TSHZ2: variants seen among roughly 807,000 people sequenced by gnomAD.
The protein encoded by TSHZ2 is teashirt homolog 2.
In TSHZ2, 21 loss-of-function variants were observed where a neutral mutation model predicts 74.4. The observed-to-expected ratio is 0.28, with a 90% CI of 0.20 to 0.41. The LOEUF (loss-of-function observed/expected upper bound fraction) is 0.41, where lower values mean the gene tolerates loss of function less well. TSHZ2 is among the 10% of genes least tolerant of loss of function. The probability of loss-of-function intolerance (pLI) is 1.00; values close to 1 mark genes in which losing one functional copy is unlikely to be tolerated. For synonymous variants in TSHZ2, 540 were observed against 515.3 expected, an observed-to-expected ratio of 1.05 and a Z score of -0.65; for missense variants, 1,244 against 1,293.5, an observed-to-expected ratio of 0.96 and a Z score of 0.59.
At chr20:53,178,407 A>G (rs1988394855) in intron 1 of TSHZ2, 1 of 152,250 alleles carries the variant, frequency 6.6e-6, no homozygotes, top group African/African-American at 2.4e-5. Flanking sequence ...ATGAGGCATC[A>G]CCATCACTGT....
At chr20:53,037,156 C>G (rs1983852853) in intron 1 of TSHZ2, among the ~76,000 whole-genome samples, 1 of 152,152 alleles carries the variant, frequency 6.6e-6, no homozygotes, top group Non-Finnish European at 1.5e-5. Flanking sequence ...GCGCCGCCTC[C>G]GAGGTCGGGG....
At chr20:53,052,382 T>C (rs928844680) in intron 1 of TSHZ2, among the ~76,000 whole-genome samples, 4 of 152,158 alleles carry the variant, frequency 2.6e-5, no homozygotes, top group African/African-American at 7.2e-5. Flanking sequence ...TAGATTCTCA[T>C]AGAAGTACGA....
At chr20:53,353,607 T>G (rs1980738710) in intron 2 of TSHZ2, among the ~76,000 whole-genome samples, 1 of 152,246 alleles carries the variant, frequency 6.6e-6, no homozygotes, top group Non-Finnish European at 1.5e-5. Context: ...TTTCCAACTC[T>G]GATTCTAATT....
intron 1 of TSHZ2, among the ~76,000 whole-genome samples, chr20:53,105,440 T>C (rs1169539513): frequency 2.6e-5 from 4 of 152,106 alleles, no homozygotes; most frequent in African/African-American, 9.7e-5. Flanking sequence ...CTTTCAGATA[T>C]TGCCAAATGT....
rs1262381198 is a variant in TSHZ2, at chr20:53,319,754, G to A, written c.*8+63183G>A. Among the ~76,000 whole-genome samples the A allele has an allele frequency of 3.3e-5, 5 of 152,208 alleles. No homozygotes were observed. The East Asian group carries it at 5.8e-4, about 18-fold the overall frequency. On this transcript the variant is annotated intron_variant, in intron 2 of 2. Transcript: ENST00000371497. ...TCAGTTTAGTCATCTAAAAAATGGGGACAAAATCTTTAAGAGAATGAATGC... is the reference window on the plus strand; with the variant it reads ...TCAGTTTAGTCATCTAAAAAATGGGAACAAAATCTTTAAGAGAATGAATGC...
Position 53,180,098 on chromosome 20 carries a change from G to A in TSHZ2, c.41-73401G>A, listed in dbSNP as rs116595939. Among the ~76,000 whole-genome samples the A allele has an allele frequency of 8.3e-3, 1,264 of 152,336 alleles. 17 individuals are homozygous for A. Among genetic ancestry groups the A allele is most frequent in the African/African-American group, 0.029 (1,213 of 41,578 alleles). On this transcript the variant is annotated intron_variant, in intron 1 of 2. Transcript: ENST00000371497. ...TTGGAGGAGGTTCATGTGGCATTGA[G>A]TACTTTCCCCATTAATTACTTCAGT...
chr20:53,174,562 T>C (rs1988280028), intron 1 of TSHZ2, among the ~76,000 whole-genome samples: 1 of 152,210 alleles, frequency 6.6e-6, no homozygotes, highest in Admixed American at 6.5e-5. Flanking sequence ...CCACCTTCTT[T>C]ATCTGCAGAG....
chr20:53,319,740 A>C (rs17441250), intron 2 of TSHZ2, among the ~76,000 whole-genome samples: 1 of 152,306 alleles, frequency 6.6e-6, no homozygotes, highest in South Asian at 2.1e-4. Context: ...CAGTTTAGTC[A>C]TCTAAAAAAT....
At chr20:53,397,657 C>A (rs1982502013) in intron 2 of TSHZ2, 1 of 152,184 alleles carries the variant, frequency 6.6e-6, no homozygotes, top group South Asian at 2.1e-4. Flanking sequence ...AATCATGCTG[C>A]TATAAAGACA....
intron 2 of TSHZ2, among the ~76,000 whole-genome samples, chr20:53,469,204 A>G (rs1985677787): frequency 6.6e-6 from 1 of 150,966 alleles, no homozygotes; most frequent in Non-Finnish European, 1.5e-5. Context: ...ACCTTGTTGG[A>G]TTGTTTTAAT....
At chr20:53,181,674 G>A (rs1228917075) in intron 1 of TSHZ2, among the ~76,000 whole-genome samples, 2 of 152,136 alleles carry the variant, frequency 1.3e-5, no homozygotes, top group African/African-American at 4.8e-5. Context: ...AGATCACGAG[G>A]TCAGGAGATT....
chr20:53,257,095 T>C (rs1309664983), intron 2 of TSHZ2, among the ~76,000 whole-genome samples: 3 of 152,272 alleles, frequency 2.0e-5, no homozygotes, highest in Non-Finnish European at 2.9e-5. Context: ...TTGTTACTTG[T>C]AATGAATGCT....
chr20:53,207,937 C>A (rs754994315), intron 1 of TSHZ2, among the ~76,000 whole-genome samples: 1 of 143,860 alleles, frequency 7.0e-6, no homozygotes, highest in Non-Finnish European at 1.5e-5. Context: ...TGGTTTCAAG[C>A]AATCCCCCTG....
intron 1 of TSHZ2, among the ~76,000 whole-genome samples, chr20:53,056,968 C>T (rs1446409318): frequency 1.3e-5 from 2 of 152,162 alleles, no homozygotes; most frequent in Non-Finnish European, 2.9e-5. Context: ...CCATAATTCC[C>T]GCGTGTCGTG....
chr20:53,212,871 T>TG (rs1989346389), intron 1 of TSHZ2, among the ~76,000 whole-genome samples: 1 of 152,140 alleles, frequency 6.6e-6, no homozygotes, highest in South Asian at 2.1e-4. Flanking sequence ...GACCACTCCT[T>TG]GGGGCCAGGG....
chr20:53,252,794 TC>T (rs1990360533), intron 1 of TSHZ2, among the ~76,000 whole-genome samples: 1 of 152,204 alleles, frequency 6.6e-6, no homozygotes, highest in Non-Finnish European at 1.5e-5. Context: ...AATAAGATAG[TC>T]GCCAAATCTC....
chr20:53,363,819 ACAT>A (rs371588472), intron 2 of TSHZ2, among the ~76,000 whole-genome samples: 32 of 152,202 alleles, frequency 2.1e-4, no homozygotes, highest in African/African-American at 7.5e-4. Flanking sequence ...CTCAACAACA[ACAT>A]CAACAACAAA....
chr20:53,307,677 T>C (rs185922080), intron 2 of TSHZ2, among the ~76,000 whole-genome samples: 4 of 152,310 alleles, frequency 2.6e-5, no homozygotes, highest in Admixed American at 2.6e-4. Flanking sequence ...TTCATAAATA[T>C]TAGTAAAGTT....
At chr20:53,138,652 T>C (rs1987313581) in intron 1 of TSHZ2, among the ~76,000 whole-genome samples, 1 of 152,202 alleles carries the variant, frequency 6.6e-6, no homozygotes, top group Non-Finnish European at 1.5e-5. Flanking sequence ...TGGACTTCTA[T>C]ATATACTTCA....
Sources: gnomAD v4.1 joint callset for allele counts (sites outside exome capture counted in the v4.1 genomes callset) on GRCh38, gnomAD v4.1.1 for gene constraint, MANE v1.5 for transcripts, NCBI Gene and HGNC (gene_info 2026-07-23, HGNC 2026-07-21) for gene names.